TRIO: variants seen among roughly 807,000 people sequenced by gnomAD.
TRIO encodes trio Rho guanine nucleotide exchange factor.
TRIO carries 58 observed loss-of-function variants against 351.9 expected under a neutral mutation model. That is an observed-to-expected ratio of 0.16 (90% CI 0.13 to 0.21). The LOEUF (loss-of-function observed/expected upper bound fraction) is 0.21, where lower values mean the gene tolerates loss of function less well. Among genes scored for constraint, TRIO ranks in the 10% least tolerant of loss-of-function variants. TRIO has a pLI of 1.00. For missense variants in TRIO, 3,201 were observed against 4,027.8 expected (o/e 0.79, Z 5.56); for synonymous variants, 1,758 against 1,595.7 (o/e 1.10, Z -2.42).
At chr5:14,379,328 T>C (rs1055991871) in intron 20 of TRIO, among the ~76,000 whole-genome samples, 1 of 152,256 alleles carries the variant, frequency 6.6e-6, no homozygotes, top group Non-Finnish European at 1.5e-5. Context: ...AAAAATTAAC[T>C]TTCTTAGCAG....
chr5:14,258,602 G>C (rs1473351871), intron 1 of TRIO, among the ~76,000 whole-genome samples: 1 of 152,188 alleles, frequency 6.6e-6, no homozygotes, highest in Non-Finnish European at 1.5e-5. Flanking sequence ...ACCCCACTCA[G>C]ATTGGGCACT....
chr5:14,309,434 A>G (rs1738712663), intron 8 of TRIO, among the ~76,000 whole-genome samples: 1 of 152,120 alleles, frequency 6.6e-6, no homozygotes, highest in East Asian at 1.9e-4. Flanking sequence ...CATTTTCTTC[A>G]TGCCAAGAGG....
chr5:14,387,574 A>G lies in TRIO; in HGVS notation c.3707A>G (p.Glu1236Gly), dbSNP rs1326049633. 4 of 1,614,210 alleles carry G rather than the reference A, an allele frequency of 2.5e-6. No individual in the cohort carries two copies. The highest frequency in any genetic ancestry group is 2.5e-6 in the Non-Finnish European group (3 of 1,180,018). ...KRYRDFSLRMEKYRTSLEKAL... is the reference protein window; with the variant it reads ...KRYRDFSLRMGKYRTSLEKAL... ...TACAGAGATTTCTCTCTGCGGATGG[A>G]GAAGTACAGGACCTCTTTGGAAAAA... The change falls in exon 22 of 57, where the codon GAG becomes GGG. Residue 1236 changes from glutamate to glycine, a missense_variant. Glu to Gly is a moderately conservative substitution (Grantham distance 98). Transcript: ENST00000344204.
At chr5:14,401,382 G>A (rs1027350126) in intron 31 of TRIO, among the ~76,000 whole-genome samples, 3 of 152,200 alleles carry the variant, frequency 2.0e-5, no homozygotes, top group Admixed American at 6.5e-5. Context: ...GGGTACAGGA[G>A]GAATGAGATA....
intron 1 of TRIO, among the ~76,000 whole-genome samples, chr5:14,239,156 G>A (rs998434615): frequency 6.6e-6 from 1 of 152,044 alleles, no homozygotes; most frequent in Non-Finnish European, 1.5e-5. Flanking sequence ...AAAATACCAG[G>A]AATAATTTCA....
At position 14,474,115 on chromosome 5, in the gene TRIO, G is replaced by A; in HGVS notation, c.6083+18G>A. On this transcript the variant is annotated intron_variant, in intron 40 of 56. Coordinates refer to ENST00000344204, the MANE Select transcript of TRIO (RefSeq NM_007118.4). ...CACAGAGAGTACGTAAACATGCATT[G>A]TGCCCGATGGTGTGCAAAGCAGCCA... 1.2e-6 allele frequency: 2 copies of A among 1,602,280 alleles called. No individual in the cohort carries two copies. Among genetic ancestry groups the A allele is most frequent in the East Asian group, 4.5e-5 (2 of 44,632 alleles).
intron 3 of TRIO, 34 bp downstream of exon 3, chr5:14,280,470 GTCACA>G (rs1241888916): frequency 1.3e-6 from 2 of 1,572,872 alleles, no homozygotes; most frequent in Admixed American, 3.3e-5. Context: ...TGTCACTGAT[GTCACA>G]TTTACAAGAG....
intron 1 of TRIO, among the ~76,000 whole-genome samples, chr5:14,246,574 CT>C (rs2152241914): frequency 6.6e-6 from 1 of 152,294 alleles, no homozygotes; most frequent in East Asian, 1.9e-4. Context: ...GAATGTCACT[CT>C]TTCACCCACT....
Position 14,329,591 on chromosome 5 carries a change from T to C in TRIO, c.1732-1187T>C, listed in dbSNP as rs1399127521. On this transcript the variant is annotated intron_variant, in intron 9 of 56. Transcript: ENST00000344204. ...TATAAATTACTCAGTCTAAGGTGTT[T>C]TGTTAGAGCAGGCTGAATGGACAAA... 1.1e-4 allele frequency among the ~76,000 whole-genome samples: 16 copies of C among 152,338 alleles called. No individual in the cohort carries two copies. In the East Asian group the frequency reaches 3.1e-3, roughly 29 times the overall value.
intron 40 of TRIO, among the ~76,000 whole-genome samples, chr5:14,474,791 G>A (rs767314976): frequency 2.0e-5 from 3 of 152,078 alleles, no homozygotes; most frequent in Non-Finnish European, 4.4e-5. Context: ...GCATCTCTCA[G>A]CATCTCTAGT....
At chr5:14,467,962 T>C (rs1191523515) in intron 37 of TRIO, among the ~76,000 whole-genome samples, 1 of 152,216 alleles carries the variant, frequency 6.6e-6, no homozygotes, top group Non-Finnish European at 1.5e-5. Flanking sequence ...CCTTAAACTT[T>C]TTTTTAAAAG....
At chr5:14,263,200 T>C (rs1795462679) in intron 1 of TRIO, among the ~76,000 whole-genome samples, 1 of 152,222 alleles carries the variant, frequency 6.6e-6, no homozygotes, top group African/African-American at 2.4e-5. Context: ...ATGTGTTGCT[T>C]TCTTTCCCAA....
chr5:14,439,357 A>G (rs1397758133), intron 34 of TRIO, among the ~76,000 whole-genome samples: 1 of 152,194 alleles, frequency 6.6e-6, no homozygotes, highest in South Asian at 2.1e-4. Flanking sequence ...GAAATTTCCC[A>G]TACATCTTTA....
chr5:14,462,836 G>C lies in TRIO; in HGVS notation c.5578G>C (p.Gly1860Arg). Reference protein sequence around the residue: ...SGMQSCGEEEGEEGADAVPLP... With the variant: ...SGMQSCGEEEREEGADAVPLP... ...GATGCAGAGCTGTGGAGAAGAGGAA[G>C]GCGAGGAGGGGGCCGACGCCGTGCC... is the stretch of plus-strand genomic sequence containing the variant. Residue 1860 changes from glycine to arginine, a missense_variant, in exon 36 of 57, where the codon GGC becomes CGC. Transcript: ENST00000344204. 6.2e-7 allele frequency: 1 copy of C among 1,614,100 alleles called. No homozygotes were observed. The highest frequency in any genetic ancestry group is 8.5e-7 in the Non-Finnish European group (1 of 1,179,998).
intron 3 of TRIO, among the ~76,000 whole-genome samples, chr5:14,283,440 G>C (rs773227858): frequency 2.6e-5 from 4 of 152,140 alleles, no homozygotes; most frequent in Non-Finnish European, 4.4e-5. Context: ...TTGCTTTCCT[G>C]ATCTGAAAAT....
chr5:14,297,393 T>G, intron 7 of TRIO, 130 bp downstream of exon 7: 1 of 1,129,268 alleles, frequency 8.9e-7, no homozygotes, highest in Middle Eastern at 3.1e-4. Flanking sequence ...CTGAAGTCAC[T>G]TGGCCCTGAG....
chr5:14,507,271 C>T lies in TRIO; in HGVS notation c.8751+11C>T. 2 of 1,610,832 alleles carry T rather than the reference C, an allele frequency of 1.2e-6. No homozygotes were observed. Among genetic ancestry groups the T allele is most frequent in the South Asian group, 2.2e-5 (2 of 90,884 alleles). On this transcript the variant is annotated intron_variant, in intron 56 of 56. Coordinates refer to ENST00000344204, the MANE Select transcript of TRIO (RefSeq NM_007118.4). ...CACCTGGACCTAAAGGTTGGTGAGG[C>T]CCCGGGCAGGTGAAGGGGGGTCTGA...
chr5:14,280,576 A>G (rs2152276660), intron 3 of TRIO, 140 bp downstream of exon 3: 2 of 738,174 alleles, frequency 2.7e-6, no homozygotes, highest in Non-Finnish European at 4.5e-6. Flanking sequence ...CTTTCACCTT[A>G]TTACCATTTT....
chr5:14,456,852 T>TA (rs1302930614), intron 34 of TRIO, among the ~76,000 whole-genome samples: 3 of 152,222 alleles, frequency 2.0e-5, no homozygotes, highest in African/African-American at 4.8e-5. Flanking sequence ...TTCAGATAGC[T>TA]AAAAATAATA....
Sources: allele counts gnomAD v4.1 joint callset (sites outside exome capture counted in the v4.1 genomes callset), GRCh38; gene constraint gnomAD v4.1.1; transcripts MANE v1.5; gene names NCBI Gene and HGNC (gene_info 2026-07-23, HGNC 2026-07-21).